The following HKDC1 variants were observed in gnomAD, a reference collection of about 807,000 sequenced individuals.
HKDC1 encodes hexokinase HKDC1.
In HKDC1, 66 loss-of-function variants were observed where a neutral mutation model predicts 96.6. That is an observed-to-expected ratio of 0.68 (90% CI 0.56 to 0.84). The LOEUF is 0.84. HKDC1 is among the 40% of genes least tolerant of loss of function. The probability of loss-of-function intolerance (pLI) is 0.00; values close to 1 mark genes in which losing one functional copy is unlikely to be tolerated. For missense variants in HKDC1, 1,211 were observed against 1,208.1 expected (o/e 1.00, Z -0.04); for synonymous variants, 466 against 473.1 (o/e 0.98, Z 0.20).
chr10:69,261,005 A>G (rs1402980020), intron 15 of HKDC1, 134 bp from the exon 16 acceptor site: 5 of 718,688 alleles, frequency 7.0e-6, no homozygotes, highest in African/African-American at 1.8e-5. Flanking sequence ...GCTTGCTCAC[A>G]TCAAGCAGCT....
intron 4 of HKDC1, among the ~76,000 whole-genome samples, chr10:69,236,120 AT>A (rs11341726): frequency 0.47 from 64,391 of 138,402 alleles, 15,329 homozygotes; most frequent in East Asian, 0.74. Context: ...AAGCATTTTG[AT>A]TTTTTTTTTT....
chr10:69,254,789 G>C (rs1843694603), intron 12 of HKDC1, among the ~76,000 whole-genome samples: 1 of 152,124 alleles, frequency 6.6e-6, no homozygotes, highest in African/African-American at 2.4e-5. Context: ...CACACACAGC[G>C]TGAATTTACT....
intron 5 of HKDC1, among the ~76,000 whole-genome samples, chr10:69,240,428 AC>A (rs1298328561): frequency 6.6e-6 from 1 of 152,074 alleles, no homozygotes; most frequent in Non-Finnish European, 1.5e-5. Flanking sequence ...AGAGGCCTTC[AC>A]CCACAAAGCA....
rs565291679 is a variant in HKDC1 at position 69,245,698 on chromosome 10, A to G, written c.876-381A>G. Reference sequence around the variant, plus strand: ...AGGTAGCCATGGCAATGTTAAATCCACATTGTTGTAGAGCCTGTCTGGGGC... The same window carrying G: ...AGGTAGCCATGGCAATGTTAAATCCGCATTGTTGTAGAGCCTGTCTGGGGC... On this transcript the variant is annotated intron_variant, in intron 7 of 17. Transcript: ENST00000354624. Among the ~76,000 whole-genome samples, 182 of 152,266 alleles carry G rather than the reference A, an allele frequency of 1.2e-3. 1 individual carries two copies. In the Middle Eastern group the frequency reaches 0.021, roughly 17 times the overall value.
In HKDC1 at chr10:69,246,069, C is replaced by G; in HGVS notation, c.876-10C>G. 1 of 1,613,736 alleles carries G rather than the reference C, an allele frequency of 6.2e-7. No individual in the cohort carries two copies. Among genetic ancestry groups the G allele is most frequent in the Non-Finnish European group, 8.5e-7 (1 of 1,179,630 alleles). On this transcript the variant is annotated splice_polypyrimidine_tract_variant and intron_variant, in intron 7 of 17. Transcript: ENST00000354624. ...GGGCTGCGTCCACAGATCTGTTCAC[C>G]AACCTGCAGGTTCGAGAAGATGATC...
In HKDC1 at chr10:69,232,884, A is replaced by G. The variant is rs112078514; in HGVS notation, c.347A>G (p.Asn116Ser). Residue 116 changes from asparagine to serine, a missense_variant, in exon 3 of 18, where the codon AAT becomes AGT. Physicochemically the swap from Asn to Ser is conservative, Grantham distance 46. Transcript: ENST00000354624. The stretch of plus-strand genomic sequence containing the variant: ...GAGAGTCAGTTCTACCCAACGCCCA[A>G]TGAAATCATCCGCGGGAACGGCACA... ...QMESQFYPTPNEIIRGNGTEL... is the reference protein window; with the variant it reads ...QMESQFYPTPSEIIRGNGTEL... 1.4e-4 allele frequency: 220 copies of G among 1,613,780 alleles called. 1 individual carries two copies. The highest frequency in any genetic ancestry group is 6.0e-4 in the African/African-American group (45 of 75,070).
At chr10:69,259,254 C>A (rs536828233) in intron 15 of HKDC1, among the ~76,000 whole-genome samples, 27 of 152,284 alleles carry the variant, frequency 1.8e-4, no homozygotes, top group African/African-American at 6.5e-4. Flanking sequence ...AGTGAGCCTT[C>A]TTGAGATGGG....
intron 8 of HKDC1, among the ~76,000 whole-genome samples, chr10:69,246,961 T>C (rs1403433640): frequency 6.6e-6 from 1 of 152,246 alleles, no homozygotes; most frequent in Non-Finnish European, 1.5e-5. Context: ...AAAGTCAGCA[T>C]AGCACAGGGT....
At chr10:69,258,746 A>G in intron 14 of HKDC1, 30 bp from the exon 15 acceptor site, 1 of 1,611,960 alleles carries the variant, frequency 6.2e-7, no homozygotes. Context: ...ATGTCTTTGA[A>G]GACTAAGGTT....
intron 1 of HKDC1, among the ~76,000 whole-genome samples, chr10:69,224,471 A>T (rs1203453186): frequency 1.3e-5 from 2 of 151,884 alleles, no homozygotes; most frequent in Non-Finnish European, 2.9e-5. Context: ...TTTAGTAGAG[A>T]CATGGTTTCA....
rs566869962 is a variant in HKDC1 at position 69,221,412 on chromosome 10, A to C, written c.63+914A>C. Among the ~76,000 whole-genome samples, 628 of 152,234 alleles carry C rather than the reference A, an allele frequency of 4.1e-3. 1 individual carries two copies. Among genetic ancestry groups the C allele is most frequent in the Non-Finnish European group, 7.8e-3 (531 of 68,008 alleles). Reference sequence around the variant, plus strand: ...GAGGGAACCAGGGTTCTTTCCAGGCAGCTAAAATGAGCCCAGTCTGCTACT... The same window carrying C: ...GAGGGAACCAGGGTTCTTTCCAGGCCGCTAAAATGAGCCCAGTCTGCTACT... On this transcript the variant is annotated intron_variant, in intron 1 of 17. Coordinates refer to ENST00000354624, the MANE Select transcript of HKDC1 (RefSeq NM_025130.4).
chr10:69,221,911 A>G (rs1295910827), intron 1 of HKDC1, among the ~76,000 whole-genome samples: 2 of 151,016 alleles, frequency 1.3e-5, no homozygotes, highest in East Asian at 3.9e-4. Context: ...ACCCTGTCTG[A>G]AAAAAAAAGG....
chr10:69,259,848 C>A (rs1228830719), intron 15 of HKDC1, among the ~76,000 whole-genome samples: 1 of 152,136 alleles, frequency 6.6e-6, no homozygotes, highest in South Asian at 2.1e-4. Flanking sequence ...GGAAATCCAC[C>A]CCCATGATCC....
At chr10:69,257,695 A>C (rs1232295924) in intron 14 of HKDC1, among the ~76,000 whole-genome samples, 2 of 150,424 alleles carry the variant, frequency 1.3e-5, no homozygotes, top group Non-Finnish European at 2.9e-5. Flanking sequence ...TGGGGGGGGG[A>C]AGGAGACTAC....
chr10:69,237,910 G>T (rs899704584), intron 4 of HKDC1, among the ~76,000 whole-genome samples: 7 of 152,200 alleles, frequency 4.6e-5, no homozygotes, highest in African/African-American at 1.7e-4. Flanking sequence ...TAAATTGAGG[G>T]AAATGGAGGA....
intron 2 of HKDC1, among the ~76,000 whole-genome samples, chr10:69,231,672 G>A (rs957323951): frequency 1.1e-4 from 16 of 152,070 alleles, no homozygotes; most frequent in Non-Finnish European, 1.8e-4. Context: ...CCTGTATTTC[G>A]GATCAATTTC....
chr10:69,261,739 T>C (rs1843813931), intron 16 of HKDC1: 2 of 175,552 alleles, frequency 1.1e-5, no homozygotes, highest in African/African-American at 4.8e-5. Flanking sequence ...ACAGTTCTTT[T>C]GTTTGCATCA....
intron 7 of HKDC1, among the ~76,000 whole-genome samples, chr10:69,244,280 G>A (rs1564731254): frequency 1.3e-5 from 2 of 152,008 alleles, no homozygotes; most frequent in Admixed American, 6.6e-5. Context: ...GGCTCATGTC[G>A]CACTTTCCTA....
Position 69,261,252 on chromosome 10 carries a change from C to G in HKDC1, c.2330C>G (p.Thr777Ser). The change falls in exon 16 of 18, where the codon ACC becomes AGC. Residue 777 changes from threonine (T) to serine (S), a missense_variant. Physicochemically the swap from Thr to Ser is moderately conservative, Grantham distance 58 (BLOSUM62 1). Transcript: ENST00000354624. ...FRGQISERLR[T>S]RGIFETKFLS... ...GGGCAGATTTCAGAGCGTCTCCGGACCAGGGGCATCTTCGAAACCAAGTTC... is the reference window on the plus strand; with the variant it reads ...GGGCAGATTTCAGAGCGTCTCCGGAGCAGGGGCATCTTCGAAACCAAGTTC... The G allele has an allele frequency of 6.2e-7, 1 of 1,614,154 alleles. No individual in the cohort carries two copies. Among genetic ancestry groups the G allele is most frequent in the Non-Finnish European group, 8.5e-7 (1 of 1,180,006 alleles).
Sources: gnomAD v4.1 joint callset for allele counts (sites outside exome capture counted in the v4.1 genomes callset) on GRCh38, gnomAD v4.1.1 for gene constraint, MANE v1.5 for transcripts, NCBI Gene and HGNC (gene_info 2026-07-23, HGNC 2026-07-21) for gene names.